The following EYS variants were observed in gnomAD, a reference collection of about 807,000 sequenced individuals.
The protein encoded by EYS is protein eyes shut homolog.
EYS carries 250 observed loss-of-function variants against 282.1 expected under a neutral mutation model. The observed-to-expected ratio is 0.89, with a 90% CI of 0.80 to 0.98. EYS has a LOEUF of 0.98. Among genes scored for constraint, EYS ranks in the 50% least tolerant of loss-of-function variants. The pLI is 0.00. For missense variants in EYS, 4,016 were observed against 3,709.0 expected, an observed-to-expected ratio of 1.08 and a Z score of -2.15; for synonymous variants, 1,355 against 1,282.9, an observed-to-expected ratio of 1.06 and a Z score of -1.20.
intron 26 of EYS, among the ~76,000 whole-genome samples, chr6:64,577,453 C>T (rs1447315772): frequency 2.0e-5 from 3 of 152,070 alleles, no homozygotes; most frequent in East Asian, 3.9e-4. Context: ...AGTCTTTCCA[C>T]TCCATTTTGA....
At chr6:64,076,669 A>T (rs942166830) in intron 32 of EYS, among the ~76,000 whole-genome samples, 1 of 151,828 alleles carries the variant, frequency 6.6e-6, no homozygotes, top group African/African-American at 2.4e-5. Flanking sequence ...GCCTTCTGCC[A>T]TGATTGTGAG....
intron 1 of EYS, among the ~76,000 whole-genome samples, chr6:65,685,331 A>T (rs1483433670): frequency 6.6e-6 from 1 of 152,084 alleles, no homozygotes; most frequent in Non-Finnish European, 1.5e-5. Context: ...TAAACCTAGA[A>T]TCAAGAATCA....
chr6:65,540,561 T>C (rs1186121767), intron 2 of EYS, among the ~76,000 whole-genome samples: 2 of 152,176 alleles, frequency 1.3e-5, no homozygotes, highest in Non-Finnish European at 2.9e-5. Context: ...TAAATACCAA[T>C]ATTAAAGCAA....
intron 19 of EYS, among the ~76,000 whole-genome samples, chr6:64,860,054 A>G (rs982162605): frequency 1.3e-5 from 2 of 152,192 alleles, no homozygotes; most frequent in African/African-American, 4.8e-5. Context: ...TACTTTTAAA[A>G]AACATATTGT....
chr6:65,064,249 GATATATATATC>G (rs1773669390), intron 12 of EYS, among the ~76,000 whole-genome samples: 1 of 125,510 alleles, frequency 8.0e-6, no homozygotes, highest in African/African-American at 3.8e-5. Context: ...TGATATATAT[GATATATATATC>G]ATATATAGTA....
chr6:64,521,655 A>G (rs1407067433), intron 26 of EYS, among the ~76,000 whole-genome samples: 2 of 151,828 alleles, frequency 1.3e-5, no homozygotes, highest in African/African-American at 4.8e-5. Flanking sequence ...GTTCTTCTTG[A>G]AAAGGGTGAC....
At chr6:64,951,594 G>T (rs946776111) in intron 14 of EYS, among the ~76,000 whole-genome samples, 3 of 151,722 alleles carry the variant, frequency 2.0e-5, no homozygotes, top group Non-Finnish European at 2.9e-5. Flanking sequence ...TACTTATGAT[G>T]AATACATATA....
At chr6:64,190,843 G>A (rs1286887796) in intron 31 of EYS, among the ~76,000 whole-genome samples, 1 of 152,162 alleles carries the variant, frequency 6.6e-6, no homozygotes, top group East Asian at 1.9e-4. Flanking sequence ...TTAATTATAT[G>A]TTTAAACATT....
At chr6:64,505,992 G>C (rs1777196635) in intron 26 of EYS, among the ~76,000 whole-genome samples, 1 of 152,064 alleles carries the variant, frequency 6.6e-6, no homozygotes, top group Non-Finnish European at 1.5e-5. Flanking sequence ...CAGGAAATGT[G>C]GTCCTTTCAA....
At chr6:65,291,006 AAAC>A (rs755243583) in intron 12 of EYS, among the ~76,000 whole-genome samples, 2 of 151,542 alleles carry the variant, frequency 1.3e-5, no homozygotes, top group East Asian at 3.9e-4. Context: ...AAATGGTATT[AAAC>A]AACAACATAA....
chr6:64,502,206 C>G (rs910507485), intron 26 of EYS, among the ~76,000 whole-genome samples: 1 of 150,208 alleles, frequency 6.7e-6, no homozygotes, highest in African/African-American at 2.5e-5. Flanking sequence ...AATGGCAGAA[C>G]CAGACAGCAG....
At chr6:64,394,170 T>C (rs1773267529) in intron 28 of EYS, among the ~76,000 whole-genome samples, 1 of 152,250 alleles carries the variant, frequency 6.6e-6, no homozygotes, top group South Asian at 2.1e-4. Flanking sequence ...TGCTCATGGG[T>C]AGGAAGAATC....
intron 31 of EYS, among the ~76,000 whole-genome samples, chr6:64,210,484 A>G (rs546301864): frequency 3.9e-5 from 6 of 152,190 alleles, no homozygotes; most frequent in African/African-American, 1.4e-4. Flanking sequence ...GACTATAGTC[A>G]GATTGAATTA....
chr6:64,212,878 G>A (rs1765823005), intron 31 of EYS, among the ~76,000 whole-genome samples: 1 of 152,106 alleles, frequency 6.6e-6, no homozygotes, highest in South Asian at 2.1e-4. Context: ...ATGAGTGATG[G>A]ACTGGATAAA....
intron 12 of EYS, among the ~76,000 whole-genome samples, chr6:65,131,414 GAT>G (rs1409761931): frequency 1.3e-5 from 2 of 151,424 alleles, no homozygotes; most frequent in Non-Finnish European, 3.0e-5. Flanking sequence ...TGAAAGTCAA[GAT>G]TATAAAAAAA....
chr6:64,693,100 A>C (rs752107821), intron 22 of EYS, among the ~76,000 whole-genome samples: 2 of 150,422 alleles, frequency 1.3e-5, no homozygotes, highest in Admixed American at 6.7e-5. Flanking sequence ...AGTATGAATA[A>C]ATTTAAGAAA....
intron 36 of EYS, among the ~76,000 whole-genome samples, chr6:63,810,499 G>A (rs1206655765): frequency 1.3e-5 from 2 of 152,150 alleles, no homozygotes; most frequent in Non-Finnish European, 2.9e-5. Context: ...TAAAACATGA[G>A]CTACTCTATG....
intron 19 of EYS, among the ~76,000 whole-genome samples, chr6:64,835,451 T>C (rs1765354514): frequency 6.7e-6 from 1 of 149,702 alleles, no homozygotes; most frequent in African/African-American, 2.5e-5. Flanking sequence ...ACTAACACAG[T>C]CACTAATTAG....
rs557753504 is a variant in EYS, at chr6:64,389,659, A to T, written c.5928-819T>A. 5.3e-5 allele frequency among the ~76,000 whole-genome samples: 8 copies of T among 152,324 alleles called. No individual in the cohort carries two copies. In the South Asian group the frequency reaches 1.7e-3, roughly 32 times the overall value. On this transcript the variant is annotated intron_variant, in intron 28 of 42. Coordinates refer to ENST00000503581, the MANE Select transcript of EYS (RefSeq NM_001142800.2). The stretch of plus-strand genomic sequence containing the variant: ...AAAAGCCCAAAAATATTTACTATCT[A>T]ACCCTTATAGAAAAAGTTGGTAGAT...
Sources: allele counts gnomAD v4.1 joint callset (sites outside exome capture counted in the v4.1 genomes callset), GRCh38; gene constraint gnomAD v4.1.1; transcripts MANE v1.5; gene names NCBI Gene and HGNC (gene_info 2026-07-23, HGNC 2026-07-21).